The following ZNF385D variants were observed in gnomAD, a reference collection of about 807,000 sequenced individuals.
ZNF385D encodes zinc finger protein 385D, also known as zinc finger protein 659.
Under a neutral mutation model 35.8 loss-of-function variants are expected in ZNF385D, and 15 were observed. The observed-to-expected ratio is 0.42, with a 90% CI of 0.28 to 0.64. ZNF385D has a LOEUF of 0.64. ZNF385D is among the 30% of genes least tolerant of loss of function. The pLI is 0.23. For synonymous variants in ZNF385D, 212 were observed against 186.8 expected, an observed-to-expected ratio of 1.13 and a Z score of -1.10; for missense variants, 474 against 494.6, an observed-to-expected ratio of 0.96 and a Z score of 0.39.
At chr3:21,912,711 T>A (rs1002489340) in intron 3 of ZNF385D, among the ~76,000 whole-genome samples, 1 of 152,014 alleles carries the variant, frequency 6.6e-6, no homozygotes, top group Non-Finnish European at 1.5e-5. Flanking sequence ...AAGAGCAAAA[T>A]TCAATTAATG....
intron 3 of ZNF385D, among the ~76,000 whole-genome samples, chr3:21,528,816 A>C (rs1414108576): frequency 6.6e-6 from 1 of 152,188 alleles, no homozygotes; most frequent in African/African-American, 2.4e-5. Context: ...CAAAGTAAAG[A>C]AGAGAGAGTT....
In ZNF385D at chr3:21,559,005, T is replaced by C. The variant is rs527335767; in HGVS notation, c.276+5569A>G. Among the ~76,000 whole-genome samples the C allele has an allele frequency of 4.0e-4, 60 of 150,656 alleles. No individual in the cohort carries two copies. In the East Asian group the frequency reaches 7.8e-3, roughly 20 times the overall value. On this transcript the variant is annotated intron_variant, in intron 3 of 7. Coordinates refer to ENST00000281523, the MANE Select transcript of ZNF385D (RefSeq NM_024697.3). Reference sequence around the variant, plus strand: ...CAACCCCTGCTTTTTTTTTTTTTTTTGCTGTCCATTTGCTTAGTAAATATT... The same window carrying C: ...CAACCCCTGCTTTTTTTTTTTTTTTCGCTGTCCATTTGCTTAGTAAATATT...
At chr3:22,083,666 T>G (rs566959627) in intron 3 of ZNF385D, among the ~76,000 whole-genome samples, 1 of 152,248 alleles carries the variant, frequency 6.6e-6, no homozygotes, top group South Asian at 2.1e-4. Flanking sequence ...CTGTAGGATA[T>G]TATCCAAGAG....
At chr3:21,922,185 C>G (rs541961216) in intron 3 of ZNF385D, among the ~76,000 whole-genome samples, 1 of 152,132 alleles carries the variant, frequency 6.6e-6, no homozygotes, top group East Asian at 1.9e-4. Flanking sequence ...CTGGAAGAAT[C>G]AATATATTTA....
intron 3 of ZNF385D, among the ~76,000 whole-genome samples, chr3:22,005,901 T>C (rs1320984316): frequency 6.6e-6 from 1 of 152,142 alleles, no homozygotes; most frequent in African/African-American, 2.4e-5. Flanking sequence ...AAGGTCATTA[T>C]TTTTGAGTCT....
chr3:21,896,947 A>T (rs1211319382), intron 3 of ZNF385D, among the ~76,000 whole-genome samples: 1 of 152,088 alleles, frequency 6.6e-6, no homozygotes, highest in Non-Finnish European at 1.5e-5. Context: ...AAAAACTGGG[A>T]TCATTTTTCT....
chr3:21,464,828 G>A (rs952523705), intron 4 of ZNF385D, among the ~76,000 whole-genome samples: 25 of 151,832 alleles, frequency 1.6e-4, no homozygotes, highest in Admixed American at 1.3e-3. Flanking sequence ...CAGAAGATGC[G>A]TAGCCTATTA....
At chr3:22,307,084 G>A (rs1703268192) in intron 2 of ZNF385D, among the ~76,000 whole-genome samples, 1 of 152,038 alleles carries the variant, frequency 6.6e-6, no homozygotes. Context: ...CTGAAAACTA[G>A]GGTTAAACTA....
intron 4 of ZNF385D, among the ~76,000 whole-genome samples, chr3:21,460,956 C>G (rs2125312056): frequency 6.6e-6 from 1 of 152,076 alleles, no homozygotes; most frequent in South Asian, 2.1e-4. Context: ...GTTTTTCTAC[C>G]CATTAATTTT....
At chr3:22,220,659 C>T (rs1047655194) in intron 2 of ZNF385D, among the ~76,000 whole-genome samples, 1 of 152,112 alleles carries the variant, frequency 6.6e-6, no homozygotes, top group Non-Finnish European at 1.5e-5. Flanking sequence ...TCACATGTGC[C>T]AAACACTTCT....
At chr3:21,874,094 T>G (rs1421040783) in intron 3 of ZNF385D, among the ~76,000 whole-genome samples, 1 of 152,008 alleles carries the variant, frequency 6.6e-6, no homozygotes, top group Admixed American at 6.6e-5. Context: ...AGATGCACCA[T>G]TATACATTCT....
intron 3 of ZNF385D, among the ~76,000 whole-genome samples, chr3:21,891,255 T>A (rs891067260): frequency 5.3e-5 from 8 of 152,188 alleles, no homozygotes; most frequent in Non-Finnish European, 7.3e-5. Context: ...ACTCTCATCG[T>A]CAGTATTATC....
intron 3 of ZNF385D, among the ~76,000 whole-genome samples, chr3:22,119,306 A>G (rs749802241): frequency 2.6e-5 from 4 of 152,192 alleles, no homozygotes; most frequent in Admixed American, 1.3e-4. Context: ...ATAAAAATAC[A>G]AGGCATTGAC....
intron 2 of ZNF385D, among the ~76,000 whole-genome samples, chr3:22,320,201 C>G (rs929520519): frequency 1.3e-5 from 2 of 152,104 alleles, no homozygotes; most frequent in South Asian, 4.2e-4. Flanking sequence ...GTCCTCCAGA[C>G]AAAAGATAAC....
intron 2 of ZNF385D, among the ~76,000 whole-genome samples, chr3:22,253,122 T>A (rs1348260383): frequency 6.6e-6 from 1 of 151,978 alleles, no homozygotes; most frequent in Non-Finnish European, 1.5e-5. Context: ...ACTGAGGGAA[T>A]GGATAGACTG....
At chr3:22,163,137 G>A (rs1293831232) in intron 3 of ZNF385D, among the ~76,000 whole-genome samples, 2 of 152,096 alleles carry the variant, frequency 1.3e-5, no homozygotes, top group Non-Finnish European at 2.9e-5. Flanking sequence ...TATAAGAGAA[G>A]GAACGAGCTC....
chr3:22,124,073 C>G (rs1428165706), intron 3 of ZNF385D, among the ~76,000 whole-genome samples: 1 of 151,244 alleles, frequency 6.6e-6, no homozygotes, highest in Middle Eastern at 3.4e-3. Flanking sequence ...ATTAACCATT[C>G]CCATTCTCCC....
In ZNF385D at chr3:22,085,342, G is replaced by T. The variant is rs143953748; in HGVS notation, c.325+83475C>A. On this transcript the variant is annotated intron_variant, in intron 3 of 5. Coordinates refer to the ZNF385D transcript ENST00000494108. ...ATAGACCTCTAACAAGACTAATAAA[G>T]AAGAAAAGAGAGAAGAATCAAATAG... Among the ~76,000 whole-genome samples the T allele has an allele frequency of 0.01, 1,527 of 152,090 alleles. 50 individuals are homozygous for T. In the East Asian group the frequency reaches 0.14, roughly 14 times the overall value.
intron 2 of ZNF385D, among the ~76,000 whole-genome samples, chr3:22,224,766 T>C (rs561856830): frequency 6.6e-6 from 1 of 152,290 alleles, no homozygotes; most frequent in East Asian, 1.9e-4. Flanking sequence ...TTCCAGAAGG[T>C]TGAAGACCTG....
Sources: allele counts gnomAD v4.1 joint callset (sites outside exome capture counted in the v4.1 genomes callset), GRCh38; gene constraint gnomAD v4.1.1; transcripts MANE v1.5; gene names NCBI Gene and HGNC (gene_info 2026-07-23, HGNC 2026-07-21).